Variants in TDRD7 observed in about 807,000 individuals in gnomAD.
TDRD7 encodes the protein tudor domain-containing protein 7.
A neutral mutation model predicts 109.8 loss-of-function variants in TDRD7; 47 were observed. The ratio of observed to expected loss-of-function variants is 0.43; its 90% confidence interval spans 0.34 to 0.55. The LOEUF is 0.55. TDRD7 is among the 20% of genes least tolerant of loss of function. The pLI is 0.03. For missense variants in TDRD7, 1,164 were observed against 1,319.2 expected (o/e 0.88, Z 1.82); for synonymous variants, 424 against 457.3 (o/e 0.93, Z 0.93).
At chr9:97,433,449 A>G (rs1197898108) in intron 4 of TDRD7, among the ~76,000 whole-genome samples, 3 of 152,206 alleles carry the variant, frequency 2.0e-5, no homozygotes, top group South Asian at 2.1e-4. Flanking sequence ...CATTTCAGCA[A>G]TACATTTTGA....
At chr9:97,491,648 C>T (rs1829310807) in intron 16 of TDRD7, among the ~76,000 whole-genome samples, 3 of 152,136 alleles carry the variant, frequency 2.0e-5, no homozygotes, top group Admixed American at 2.0e-4. Flanking sequence ...TGGGGTCTTT[C>T]CCCCTAGCTT....
intron 16 of TDRD7, among the ~76,000 whole-genome samples, chr9:97,491,937 A>G (rs1448421386): frequency 6.6e-6 from 1 of 152,164 alleles, no homozygotes; most frequent in Non-Finnish European, 1.5e-5. Flanking sequence ...ACAGGGCCCT[A>G]TAACTGGGTT....
intron 6 of TDRD7, among the ~76,000 whole-genome samples, chr9:97,448,487 G>A (rs1828437287): frequency 6.6e-6 from 1 of 152,212 alleles, no homozygotes; most frequent in Admixed American, 6.5e-5. Flanking sequence ...TCATCAGCTG[G>A]TCAACCTTTC....
At chr9:97,424,449 G>A (rs945857874) in intron 1 of TDRD7, among the ~76,000 whole-genome samples, 1 of 152,138 alleles carries the variant, frequency 6.6e-6, no homozygotes, top group African/African-American at 2.4e-5. Context: ...CGATAATTGT[G>A]AAATTGTGAA....
At chr9:97,475,917 A>G (rs1829010474) in intron 12 of TDRD7, among the ~76,000 whole-genome samples, 1 of 152,182 alleles carries the variant, frequency 6.6e-6, no homozygotes, top group African/African-American at 2.4e-5. Context: ...AGATTCATTC[A>G]TGTTGATGTG....
chr9:97,463,691 C>A lies in TDRD7; in HGVS notation c.1443-1151C>A, dbSNP rs564400308. On this transcript the variant is annotated intron_variant, in intron 7 of 16. Coordinates refer to ENST00000355295, the MANE Select transcript of TDRD7 (RefSeq NM_014290.3). ...AACTTGATATGCCAGGTTTTACACCCTAGAAGGAGACCCTGGACGAAATCA... is the reference window on the plus strand; with the variant it reads ...AACTTGATATGCCAGGTTTTACACCATAGAAGGAGACCCTGGACGAAATCA... Among the ~76,000 whole-genome samples the A allele has an allele frequency of 2.6e-5, 4 of 152,256 alleles. No homozygotes were observed. In the South Asian group the frequency reaches 6.2e-4, roughly 24 times the overall value.
chr9:97,456,106 A>T (rs1828603388), intron 6 of TDRD7, among the ~76,000 whole-genome samples: 1 of 152,160 alleles, frequency 6.6e-6, no homozygotes, highest in African/African-American at 2.4e-5. Flanking sequence ...ACCTAGGAAC[A>T]CAGCTAACAA....
chr9:97,470,495 G>T, intron 8 of TDRD7, 63 bp from the exon 9 acceptor site: 1 of 1,425,684 alleles, frequency 7.0e-7, no homozygotes, highest in Non-Finnish European at 9.9e-7. Flanking sequence ...CCAATTAAGT[G>T]TATCAAATGA....
chr9:97,421,389 G>GACA (rs1241590971), intron 1 of TDRD7, among the ~76,000 whole-genome samples: 1 of 152,028 alleles, frequency 6.6e-6, no homozygotes, highest in Non-Finnish European at 1.5e-5. Flanking sequence ...TTACTTTAGT[G>GACA]ACATATGTAT....
intron 16 of TDRD7, among the ~76,000 whole-genome samples, chr9:97,490,893 G>A (rs1234712381): frequency 6.9e-6 from 1 of 144,820 alleles, no homozygotes; most frequent in Non-Finnish European, 1.5e-5. Context: ...CTGACCTCTA[G>A]CATTTCTTTT....
At chr9:97,449,369 A>C (rs1007446816) in intron 6 of TDRD7, among the ~76,000 whole-genome samples, 3 of 152,294 alleles carry the variant, frequency 2.0e-5, no homozygotes, top group Middle Eastern at 6.8e-3. Context: ...CTCTACATAT[A>C]CACTAGTTGC....
At chr9:97,473,670 A>G (rs752132142) in intron 11 of TDRD7, 44 bp downstream of exon 11, 1 of 1,612,142 alleles carries the variant, frequency 6.2e-7, no homozygotes, top group Non-Finnish European at 8.5e-7. Flanking sequence ...CCCTAAAATT[A>G]CAAGCAAGAG....
intron 1 of TDRD7, among the ~76,000 whole-genome samples, chr9:97,427,216 A>G (rs562694640): frequency 1.3e-5 from 2 of 152,102 alleles, no homozygotes; most frequent in African/African-American, 2.4e-5. Flanking sequence ...ATGTATCTAT[A>G]CATTCTCTGA....
chr9:97,446,079 A>G (rs1351110165), intron 6 of TDRD7, among the ~76,000 whole-genome samples: 1 of 152,192 alleles, frequency 6.6e-6, no homozygotes, highest in African/African-American at 2.4e-5. Context: ...TTGCAGAGCT[A>G]TGATGGCACC....
intron 1 of TDRD7, among the ~76,000 whole-genome samples, chr9:97,423,325 G>A (rs1827928513): frequency 6.7e-6 from 1 of 150,104 alleles, no homozygotes; most frequent in African/African-American, 2.4e-5. Flanking sequence ...GTTTTATCAT[G>A]TTCTCTTTTT....
At position 97,432,163 on chromosome 9, in the gene TDRD7, T is replaced by C; in HGVS notation, c.488T>C (p.Leu163Pro). 1 of 1,613,842 alleles carries C rather than the reference T, an allele frequency of 6.2e-7. No individual in the cohort carries two copies. Among genetic ancestry groups the C allele is most frequent in the Non-Finnish European group, 8.5e-7 (1 of 1,179,780 alleles). Residue 163 changes from leucine (L) to proline (P), a missense_variant, in exon 4 of 17, where the codon CTA becomes CCA. By Grantham distance (98) the Leu-to-Pro change is moderately conservative. Around this residue, in one of 5 missense-constraint regions of TDRD7, gnomAD observed 407 missense variants for 394.0 expected, o/e 1.03. Transcript: ENST00000355295. ...KPDAEMSPYM[L>P]HTTLGNEAFK... ...GATGCTGAAATGTCTCCTTATATGC[T>C]ACACACAACTCTTGGAAATGAAGCA...
At chr9:97,452,746 C>T (rs1828521433) in intron 6 of TDRD7, among the ~76,000 whole-genome samples, 1 of 152,142 alleles carries the variant, frequency 6.6e-6, no homozygotes, top group Non-Finnish European at 1.5e-5. Context: ...TCCAGATGAT[C>T]TTTAAGTATT....
At chr9:97,494,260 T>A (rs1357856148) in intron 16 of TDRD7, among the ~76,000 whole-genome samples, 2 of 152,252 alleles carry the variant, frequency 1.3e-5, no homozygotes, top group Non-Finnish European at 2.9e-5. Context: ...CTGCCATGGC[T>A]TCAGCCGGTC....
intron 6 of TDRD7, among the ~76,000 whole-genome samples, chr9:97,443,649 C>T (rs1236503583): frequency 6.6e-6 from 1 of 152,196 alleles, no homozygotes; most frequent in Non-Finnish European, 1.5e-5. Flanking sequence ...GGTTCAGGGC[C>T]TGTGGCCCCT....
Sources: gnomAD v4.1 joint callset for allele counts (sites outside exome capture counted in the v4.1 genomes callset) on GRCh38, gnomAD v4.1.1 for gene constraint, gnomAD v4.1.1 regional missense constraint, MANE v1.5 for transcripts, NCBI Gene and HGNC (gene_info 2026-07-23, HGNC 2026-07-21) for gene names.